Variants in CCDC146 observed in about 807,000 individuals in gnomAD.
CCDC146 encodes coiled-coil domain containing 146, also known as coiled-coil domain-containing protein 146.
Under a neutral mutation model 119.3 loss-of-function variants are expected in CCDC146, and 92 were observed. The observed-to-expected ratio is 0.77, with a 90% CI of 0.65 to 0.92. The LOEUF (loss-of-function observed/expected upper bound fraction) is 0.92, where lower values mean the gene tolerates loss of function less well. CCDC146 is among the 40% of genes least tolerant of loss of function. The pLI is 0.00. For missense variants in CCDC146, 1,000 were observed against 1,103.0 expected (o/e 0.91, Z 1.32); for synonymous variants, 372 against 371.8 (o/e 1.00, Z -0.01).
chr7:77,292,951 G>T lies in CCDC146; in HGVS notation c.2416-1G>T. On this transcript the variant is annotated splice_acceptor_variant, in intron 17 of 18. Coordinates refer to ENST00000285871, the MANE Select transcript of CCDC146 (RefSeq NM_020879.3). LOFTEE classifies it high-confidence loss of function. ...CTAAGCTTTGGGCTCTTTAATTCTA[G>T]ATGAATGGCTATCAAAGAAGGATCA... 1.2e-6 allele frequency: 2 copies of T among 1,612,984 alleles called. No homozygotes were observed. The highest frequency in any genetic ancestry group is 2.2e-5 in the South Asian group (2 of 90,942).
chr7:77,277,869 T>G (rs2150542573), intron 11 of CCDC146, among the ~76,000 whole-genome samples: 1 of 152,342 alleles, frequency 6.6e-6, no homozygotes, highest in South Asian at 2.1e-4. Flanking sequence ...TCCTTCATTT[T>G]TGAATATGTT....
At chr7:77,283,522 G>A (rs1364075368) in intron 15 of CCDC146, among the ~76,000 whole-genome samples, 1 of 151,874 alleles carries the variant, frequency 6.6e-6, no homozygotes, top group Non-Finnish European at 1.5e-5. Context: ...TGTCAGGTTT[G>A]CGTTTGGATT....
intron 2 of CCDC146, among the ~76,000 whole-genome samples, chr7:77,178,236 A>G (rs1462872123): frequency 6.6e-6 from 1 of 152,222 alleles, no homozygotes. Flanking sequence ...TTGGCCAGGA[A>G]TCTGGGGTAT....
chr7:77,171,186 T>C (rs1791415402), intron 2 of CCDC146, among the ~76,000 whole-genome samples: 1 of 152,346 alleles, frequency 6.6e-6, no homozygotes, highest in Admixed American at 6.5e-5. Context: ...TGTAAGCTCA[T>C]GCATTTTTAG....
chr7:77,270,217 C>A (rs1444772597), intron 9 of CCDC146, among the ~76,000 whole-genome samples: 1 of 152,026 alleles, frequency 6.6e-6, no homozygotes, highest in East Asian at 1.9e-4. Context: ...TGAAAGTTAC[C>A]GATGATTATT....
At chr7:77,156,141 C>T (rs1791176290) in intron 1 of CCDC146, among the ~76,000 whole-genome samples, 1 of 152,180 alleles carries the variant, frequency 6.6e-6, no homozygotes, top group South Asian at 2.1e-4. Flanking sequence ...TTGCAATTAA[C>T]AGATTCCTCA....
chr7:77,124,963 C>CA (rs998014761), intron 1 of CCDC146, among the ~76,000 whole-genome samples: 1 of 151,150 alleles, frequency 6.6e-6, no homozygotes, highest in Non-Finnish European at 1.5e-5. Flanking sequence ...GAGGCTGAGA[C>CA]AGGTGGATCA....
At chr7:77,272,372 G>A (rs1324471500) in intron 9 of CCDC146, among the ~76,000 whole-genome samples, 1 of 152,176 alleles carries the variant, frequency 6.6e-6, no homozygotes, top group African/African-American at 2.4e-5. Flanking sequence ...TGCTACTGAA[G>A]ATACCCTGAT....
intron 1 of CCDC146, among the ~76,000 whole-genome samples, chr7:77,145,439 T>A (rs564227458): frequency 7.9e-5 from 12 of 151,934 alleles, no homozygotes; most frequent in Admixed American, 7.8e-4. Context: ...CTGATCTTAG[T>A]TATTTCTTGC....
intron 1 of CCDC146, among the ~76,000 whole-genome samples, chr7:77,162,621 G>A (rs1791279460): frequency 1.3e-5 from 2 of 151,770 alleles, no homozygotes; most frequent in Admixed American, 6.6e-5. Context: ...GGCTATTTGG[G>A]GTCTTTTATT....
chr7:77,208,479 CT>C (rs1792120199), intron 2 of CCDC146, among the ~76,000 whole-genome samples: 1 of 152,088 alleles, frequency 6.6e-6, no homozygotes, highest in South Asian at 2.1e-4. Context: ...ATTTGTGTAT[CT>C]AAAAAAAGGC....
At chr7:77,171,937 G>T (rs575701294) in intron 2 of CCDC146, among the ~76,000 whole-genome samples, 179 of 152,286 alleles carry the variant, frequency 1.2e-3, no homozygotes, top group African/African-American at 4.0e-3. Flanking sequence ...AATATTTCAA[G>T]AATCTCTCAA....
intron 1 of CCDC146, among the ~76,000 whole-genome samples, chr7:77,142,755 T>C (rs1156425466): frequency 6.6e-6 from 1 of 151,854 alleles, no homozygotes; most frequent in East Asian, 1.9e-4. Context: ...CATCCTTTTT[T>C]ATGGCTGCAT....
At chr7:77,271,513 G>GAT (rs56661430) in intron 9 of CCDC146, among the ~76,000 whole-genome samples, 41 of 71,324 alleles carry the variant, frequency 5.7e-4, no homozygotes, top group African/African-American at 1.2e-3. Flanking sequence ...ACTAATAGGA[G>GAT]ATATATATAT....
At chr7:77,222,674 A>C (rs1293447936) in intron 2 of CCDC146, among the ~76,000 whole-genome samples, 3 of 152,228 alleles carry the variant, frequency 2.0e-5, no homozygotes, top group African/African-American at 4.8e-5. Flanking sequence ...TGATCAACAA[A>C]GTGAGGTAAC....
chr7:77,127,330 A>G (rs1177596914), intron 1 of CCDC146, among the ~76,000 whole-genome samples: 1 of 152,082 alleles, frequency 6.6e-6, no homozygotes, highest in Non-Finnish European at 1.5e-5. Flanking sequence ...GCTCAGATCT[A>G]CAGCTGCAGT....
chr7:77,290,870 A>G (rs1451475099), intron 17 of CCDC146, among the ~76,000 whole-genome samples: 4 of 152,256 alleles, frequency 2.6e-5, no homozygotes, highest in African/African-American at 7.2e-5. Context: ...AGATGTGACC[A>G]GATATGCTCT....
At chr7:77,192,646 C>T (rs910665333) in intron 2 of CCDC146, among the ~76,000 whole-genome samples, 3 of 152,096 alleles carry the variant, frequency 2.0e-5, no homozygotes, top group Admixed American at 6.6e-5. Context: ...CATTGTTGGC[C>T]GGGCACGGTG....
chr7:77,269,520 GA>G (rs1419329679), intron 9 of CCDC146, among the ~76,000 whole-genome samples: 2 of 152,206 alleles, frequency 1.3e-5, no homozygotes, highest in African/African-American at 4.8e-5. Flanking sequence ...CTGTGATGGT[GA>G]GGCTTGTCAC....
Sources: allele counts gnomAD v4.1 joint callset (sites outside exome capture counted in the v4.1 genomes callset), GRCh38; gene constraint gnomAD v4.1.1; transcripts MANE v1.5; gene names NCBI Gene and HGNC (gene_info 2026-07-23, HGNC 2026-07-21).